The following TXLNG variants were observed in gnomAD, a reference collection of about 807,000 sequenced individuals.
TXLNG encodes the protein taxilin gamma.
Under a neutral mutation model 38.8 loss-of-function variants are expected in TXLNG, and 5 were observed. The ratio of observed to expected loss-of-function variants is 0.13; its 90% CI spans 0.07 to 0.27. TXLNG has a LOEUF of 0.27. Among genes scored for constraint, TXLNG ranks in the 10% least tolerant of loss-of-function variants. The pLI is 1.00. For synonymous variants in TXLNG, 182 were observed against 158.2 expected (o/e 1.15, Z -1.13); for missense variants, 393 against 398.2 (o/e 0.99, Z 0.11).
chrX:16,841,785 T>C lies in TXLNG; in HGVS notation c.*19T>C, dbSNP rs1929853080. ...TGACTAAGATGAGGTGTGATCACTG[T>C]ATTGAGAGATATATTTTGTGTATAA... On this transcript the variant is annotated 3_prime_UTR_variant, in exon 10 of 10. Coordinates refer to ENST00000380122, the MANE Select transcript of TXLNG (RefSeq NM_018360.3). 8 of 1,167,712 alleles carry C rather than the reference T, an allele frequency of 6.9e-6. No individual in the cohort carries two copies. The highest frequency in any genetic ancestry group is 5.8e-6 in the Non-Finnish European group (5 of 868,393).
chrX:16,812,430 C>G (rs1232426171), intron 1 of TXLNG, among the ~76,000 whole-genome samples: 1 of 97,894 alleles, frequency 1.0e-5, no homozygotes, highest in Non-Finnish European at 2.0e-5. Context: ...GAGTCTCACT[C>G]TGTCCCAGGC....
intron 3 of TXLNG, among the ~76,000 whole-genome samples, chrX:16,827,833 T>C (rs1381261379): frequency 8.9e-6 from 1 of 112,108 alleles, no homozygotes; most frequent in Non-Finnish European, 1.9e-5. Context: ...GAAAATTAAA[T>C]CTGTCTAAAG....
chrX:16,840,004 G>GT, intron 9 of TXLNG, 88 bp downstream of exon 9: 1 of 683,387 alleles, frequency 1.5e-6, no homozygotes, highest in Non-Finnish European at 2.2e-6. Flanking sequence ...GACGTGTGCT[G>GT]TAACACTACT....
chrX:16,826,649 C>A (rs1316264009), intron 3 of TXLNG, among the ~76,000 whole-genome samples: 2 of 111,476 alleles, frequency 1.8e-5, no homozygotes, highest in Non-Finnish European at 3.8e-5. Flanking sequence ...AAAACAAAAA[C>A]CTGCTGGGCA....
rs1929904052 is a variant in TXLNG, at chrX:16,842,779, T to A, written c.*1013T>A. 2 of 112,141 alleles carry A rather than the reference T, an allele frequency of 1.8e-5. No individual in the cohort carries two copies. The highest frequency in any genetic ancestry group is 3.8e-5 in the Non-Finnish European group (2 of 53,269). The allele number at this position is 112,141 out of a possible 1,213,427, so 9.2% of individuals were successfully genotyped here. A position where few individuals can be genotyped will look rare whatever the true frequency, so the allele number is the denominator to read the frequency against. On this transcript the variant is annotated 3_prime_UTR_variant, in exon 10 of 10. Transcript: ENST00000380122. ...TGGATCAGTACCAACCGAAATTGAT[T>A]TTCATTTCCAAAACAAACACTGGCA...
At chrX:16,813,005 CCTTT>C (rs1569266022) in intron 1 of TXLNG, among the ~76,000 whole-genome samples, 1 of 110,699 alleles carries the variant, frequency 9.0e-6, no homozygotes, top group Non-Finnish European at 1.9e-5. Context: ...CAGTCCTATT[CCTTT>C]CTTCCAAGTT....
At position 16,841,641 on chromosome X, in the gene TXLNG, G is replaced by C; in HGVS notation, c.1462G>C (p.Glu488Gln). ...QPCTALDSHK[E>Q]LNTSSKRALG... ...CTGTACTGCCCTGGATTCTCACAAG[G>C]AGCTGAACACTTCCTCGAAAAGAGC... The change falls in exon 10 of 10, where the codon GAG (glutamate) becomes CAG (glutamine). Residue 488 changes from glutamate to glutamine, a missense_variant. Glu to Gln is a conservative substitution (Grantham distance 29). Transcript: ENST00000380122. The C allele has an allele frequency of 8.3e-7, 1 of 1,211,601 alleles. No homozygotes were observed. Among genetic ancestry groups the C allele is most frequent in the Non-Finnish European group, 1.1e-6 (1 of 895,533 alleles).
At chrX:16,791,448 C>G (rs1927701277) in intron 1 of TXLNG, among the ~76,000 whole-genome samples, 1 of 111,969 alleles carries the variant, frequency 8.9e-6, no homozygotes, top group Non-Finnish European at 1.9e-5. Flanking sequence ...TTATTTTTTT[C>G]TTTTACTGGG....
chrX:16,817,359 C>G (rs1475149283), intron 1 of TXLNG, among the ~76,000 whole-genome samples: 1 of 112,159 alleles, frequency 8.9e-6, no homozygotes, highest in African/African-American at 3.2e-5. Context: ...CTTATGAAAG[C>G]ACAGTACTGG....
In TXLNG at chrX:16,834,308, G is replaced by C. The variant is rs1929515614; in HGVS notation, c.1010G>C (p.Arg337Thr). The stretch of plus-strand genomic sequence containing the variant: ...TTATTAAAAGAAGCGACAGAATCGA[G>C]GCACAAATACGAACAAATGAAACAG... ...EFLLKEATES[R>T]HKYEQMKQQE... The change falls in exon 7 of 10, where the codon AGG becomes ACG. Residue 337 changes from arginine (R) to threonine (T), a missense_variant. Transcript: ENST00000380122. The C allele has an allele frequency of 8.3e-7, 1 of 1,206,472 alleles. No homozygotes were observed.
chrX:16,807,956 G>A lies in TXLNG; in HGVS notation c.103-10618G>A, dbSNP rs772947457. 2.7e-5 allele frequency among the ~76,000 whole-genome samples: 3 copies of A among 112,006 alleles called. No individual in the cohort carries two copies. The South Asian group carries it at 1.1e-3, about 41-fold the overall frequency. ...AGTTTTGAATGTTTTGATCCAAAAA[G>A]CTATTACAAGTAGTTGATGAATGCA... On this transcript the variant is annotated intron_variant, in intron 1 of 9. Coordinates refer to ENST00000380122, the MANE Select transcript of TXLNG (RefSeq NM_018360.3).
rs774571874 is a variant in TXLNG at position 16,843,808 on chromosome X, C to CTAT, written c.*2046_*2048dup. On this transcript the variant is annotated 3_prime_UTR_variant, in exon 10 of 10. Transcript: ENST00000380122. ...CTTACTTTGTATTTTTAGCTAGATG[C>CTAT]TATTATAGTGTTGAAAGGATATGGA... 1 of 111,643 alleles carries CTAT rather than the reference C, an allele frequency of 9.0e-6. No individual in the cohort carries two copies. Among genetic ancestry groups the CTAT allele is most frequent in the Non-Finnish European group, 1.9e-5 (1 of 53,154 alleles). The allele number at this position is 111,643 out of a possible 1,213,427, so 9.2% of individuals were successfully genotyped here. A position where few individuals can be genotyped will look rare whatever the true frequency, so the allele number is the denominator to read the frequency against.
intron 7 of TXLNG, 55 bp downstream of exon 7, chrX:16,834,412 G>C: frequency 9.6e-7 from 1 of 1,041,710 alleles, no homozygotes. Context: ...TGGTTCCTTT[G>C]ATTCTGCATA....
intron 5 of TXLNG, among the ~76,000 whole-genome samples, 176 bp downstream of exon 5, chrX:16,829,946 C>T (rs183348747): frequency 1.6e-4 from 18 of 110,195 alleles, no homozygotes; most frequent in Non-Finnish European, 3.0e-4. Flanking sequence ...CTTGATGTCC[C>T]AGGAGTCACT....
rs1296600754 is a variant in TXLNG at position 16,843,322 on chromosome X, A to AGAT, written c.*1557_*1559dup. 2.7e-5 allele frequency: 3 copies of AGAT among 112,306 alleles called. No homozygotes were observed. The highest frequency in any genetic ancestry group is 7.4e-4 in the South Asian group (2 of 2,715). The allele number at this position is 112,306 out of a possible 1,213,427, so 9.3% of individuals were successfully genotyped here. ...ATTGAAAATTGTCCAACAGATAGATAGATAGGAAACCGCCTGGAGTGGAGG... is the reference window on the plus strand; with the variant it reads ...ATTGAAAATTGTCCAACAGATAGATAGATGATAGGAAACCGCCTGGAGTGGAGG... On this transcript the variant is annotated 3_prime_UTR_variant, in exon 10 of 10. Transcript: ENST00000380122.
chrX:16,834,402 T>C, intron 7 of TXLNG, 45 bp downstream of exon 7: 1 of 1,098,152 alleles, frequency 9.1e-7, no homozygotes, highest in South Asian at 2.0e-5. Flanking sequence ...GAAAAATCTG[T>C]GGTTCCTTTG....
At position 16,843,726 on chromosome X, in the gene TXLNG, A is replaced by ATACT. The variant is rs1929966325; in HGVS notation, c.*1962_*1965dup. ...AGATTGTAAATCTTGGGCCTGTTGC[A>ATACT]TACTTCCAAGGGCTTTAAAGCAATG... is the stretch of plus-strand genomic sequence containing the variant. On this transcript the variant is annotated 3_prime_UTR_variant, in exon 10 of 10. Coordinates refer to ENST00000380122, the MANE Select transcript of TXLNG (RefSeq NM_018360.3). The ATACT allele has an allele frequency of 8.9e-6, 1 of 112,072 alleles. No individual in the cohort carries two copies. The highest frequency in any genetic ancestry group is 1.9e-5 in the Non-Finnish European group (1 of 53,228). The allele number at this position is 112,072 out of a possible 1,213,427, so 9.2% of individuals were successfully genotyped here.
intron 3 of TXLNG, among the ~76,000 whole-genome samples, chrX:16,822,036 G>T (rs1928989212): frequency 9.5e-6 from 1 of 105,190 alleles, no homozygotes; most frequent in African/African-American, 3.5e-5. Context: ...TTAGTTTATT[G>T]CCTCAAGAAT....
rs1182317473 is a variant in TXLNG at position 16,844,517 on chromosome X, T to C, written c.*2751T>C. ...ATTAAGTAAATATGTATGATAAACT[T>C]AACAGCTTCTGTGTATTCTTTCATT... On this transcript the variant is annotated 3_prime_UTR_variant, in exon 10 of 10. Transcript: ENST00000380122. 1 of 111,607 alleles carries C rather than the reference T, an allele frequency of 9.0e-6. No homozygotes were observed. The highest frequency in any genetic ancestry group is 2.8e-4 in the East Asian group (1 of 3,570). 9.2% of individuals were successfully genotyped at this position (111,607 alleles called of 1,213,427 possible).
Sources: gnomAD v4.1 joint callset for allele counts (sites outside exome capture counted in the v4.1 genomes callset) on GRCh38, gnomAD v4.1.1 for gene constraint, MANE v1.5 for transcripts, NCBI Gene and HGNC (gene_info 2026-07-23, HGNC 2026-07-21) for gene names.